The following CAST variants were observed in gnomAD, a reference collection of about 807,000 sequenced individuals.
CAST encodes the protein MIR583 host.
Under a neutral mutation model 119.6 loss-of-function variants are expected in CAST, and 76 were observed. The ratio of observed to expected loss-of-function variants is 0.64; its 90% CI spans 0.53 to 0.77. The LOEUF (loss-of-function observed/expected upper bound fraction) is 0.77, where lower values mean the gene tolerates loss of function less well. Ranked by LOEUF, CAST falls within the 30% of genes least tolerant of loss-of-function variation. CAST has a pLI of 0.00. For missense variants in CAST, 953 were observed against 946.5 expected (o/e 1.01, Z -0.09); for synonymous variants, 319 against 331.6 (o/e 0.96, Z 0.41).
intron 1 of CAST, among the ~76,000 whole-genome samples, chr5:96,674,304 C>T (rs1412792499): frequency 6.6e-6 from 1 of 150,382 alleles, no homozygotes; most frequent in African/African-American, 2.4e-5. Flanking sequence ...ATAATAATAA[C>T]ATAAATTATT....
the CAST span, among the ~76,000 whole-genome samples, chr5:96,300,872 G>A: frequency 8.3e-6 from 1 of 120,666 alleles, no homozygotes; most frequent in Non-Finnish European, 1.7e-5. Context: ...AATTGTAAAT[G>A]AGATTGTTCT....
At chr5:96,382,463 A>G in the CAST span, among the ~76,000 whole-genome samples, 1 of 152,184 alleles carries the variant, frequency 6.6e-6, no homozygotes, top group African/African-American at 2.4e-5. Context: ...ATCAGCTATT[A>G]TTCTTCTCTG....
At chr5:95,990,169 C>A in the CAST span, among the ~76,000 whole-genome samples, 1 of 151,750 alleles carries the variant, frequency 6.6e-6, no homozygotes, top group Non-Finnish European at 1.5e-5. Context: ...TGATGTGAAC[C>A]ATGTCTGTTC....
intron 24 of CAST, 48 bp downstream of exon 24, chr5:96,757,702 TTC>T: frequency 7.5e-7 from 1 of 1,337,020 alleles, no homozygotes; most frequent in Non-Finnish European, 1.0e-6. Context: ...TTTTTTTTTT[TTC>T]CTTTGAGATG....
chr5:96,142,392 C>G, the CAST span, among the ~76,000 whole-genome samples: 17 of 152,272 alleles, frequency 1.1e-4, 1 homozygote, highest in South Asian at 3.5e-3. Flanking sequence ...CCAGCCTGGG[C>G]AACACAGCAA....
intron 1 of CAST, among the ~76,000 whole-genome samples, chr5:96,531,326 T>C (rs752486367): frequency 2.6e-5 from 4 of 151,990 alleles, no homozygotes; most frequent in South Asian, 4.1e-4. Context: ...GGTGAAAGAA[T>C]AGAAGCAAGA....
the CAST span, among the ~76,000 whole-genome samples, chr5:96,354,485 A>G: frequency 6.6e-6 from 1 of 152,018 alleles, no homozygotes. Flanking sequence ...AATGCAACAA[A>G]TGCTGCCAGT....
At chr5:96,664,266 T>G (rs1423819650) in intron 1 of CAST, among the ~76,000 whole-genome samples, 1 of 152,100 alleles carries the variant, frequency 6.6e-6, no homozygotes, top group Non-Finnish European at 1.5e-5. Context: ...AGTATATATG[T>G]ATAGTGTGTA....
At chr5:96,513,322 T>G in the CAST span, among the ~76,000 whole-genome samples, 2 of 152,206 alleles carry the variant, frequency 1.3e-5, no homozygotes, top group Non-Finnish European at 2.9e-5. Context: ...GAGTTTATAT[T>G]CTAGCAGGAG....
At chr5:96,000,870 A>G in the CAST span, among the ~76,000 whole-genome samples, 1 of 152,208 alleles carries the variant, frequency 6.6e-6, no homozygotes. Flanking sequence ...AAAAAACGCA[A>G]TTGATATTCT....
chr5:96,503,326 A>C, the CAST span, among the ~76,000 whole-genome samples: 1 of 152,020 alleles, frequency 6.6e-6, no homozygotes, highest in African/African-American at 2.4e-5. Flanking sequence ...ATATTCTCCT[A>C]TGTAAGGTGA....
At chr5:96,008,585 T>C in the CAST span, among the ~76,000 whole-genome samples, 1 of 152,284 alleles carries the variant, frequency 6.6e-6, no homozygotes, top group South Asian at 2.1e-4. Flanking sequence ...GAGGCTTACC[T>C]CATCCATGGT....
At chr5:96,090,675 T>A in the CAST span, among the ~76,000 whole-genome samples, 1 of 152,068 alleles carries the variant, frequency 6.6e-6, no homozygotes, top group African/African-American at 2.4e-5. Context: ...CATGTCTGTG[T>A]TGGTGAGAAG....
At chr5:95,961,708 C>T in the CAST span, 9 of 1,605,484 alleles carry the variant, frequency 5.6e-6, no homozygotes, top group South Asian at 5.5e-5. Flanking sequence ...GCCCCCTGTC[C>T]CCCCCGCCGC....
intron 25 of CAST, 61 bp from the exon 26 acceptor site, chr5:96,765,160 T>G: frequency 1.1e-6 from 1 of 940,048 alleles, no homozygotes; most frequent in South Asian, 1.4e-5. Flanking sequence ...GTTCCTGGGC[T>G]AATTTGCCTC....
At chr5:96,704,203 A>G (rs1018308375) in intron 3 of CAST, among the ~76,000 whole-genome samples, 2 of 152,222 alleles carry the variant, frequency 1.3e-5, no homozygotes. Context: ...AACAGTGTTT[A>G]TGAAGCAGCA....
intron 29 of CAST, chr5:96,768,902 T>A (rs943321186): frequency 3.9e-5 from 6 of 154,216 alleles, no homozygotes; most frequent in African/African-American, 1.4e-4. Context: ...TCTGTGCTTG[T>A]GTATCACACC....
the CAST span, among the ~76,000 whole-genome samples, chr5:96,136,349 T>TGTTTA: frequency 1.5e-5 from 2 of 133,746 alleles, no homozygotes; most frequent in African/African-American, 5.5e-5. Flanking sequence ...GCACCTCTTT[T>TGTTTA]GTTTTGTTTT....
chr5:96,177,087 TTTA>T, the CAST span, among the ~76,000 whole-genome samples: 3 of 152,166 alleles, frequency 2.0e-5, no homozygotes, highest in Admixed American at 2.0e-4. Context: ...ATTGAGCAAA[TTTA>T]TTATTATGAT....
Sources: gnomAD v4.1 joint callset for allele counts (sites outside exome capture counted in the v4.1 genomes callset) on GRCh38, gnomAD v4.1.1 for gene constraint, MANE v1.5 for transcripts, NCBI Gene and HGNC (gene_info 2026-07-23, HGNC 2026-07-21) for gene names.